Variants in KHDC1 observed in about 807,000 individuals in gnomAD.
KHDC1 encodes the protein KH homology domain-containing protein 1.
In KHDC1, 21 loss-of-function variants were observed where a neutral mutation model predicts 24.7. That is an observed-to-expected ratio of 0.85 (90% CI 0.60 to 1.23). The LOEUF (loss-of-function observed/expected upper bound fraction) is 1.23. Ranked by LOEUF, KHDC1 falls within the 50% of genes most tolerant of loss-of-function variation. The pLI is 0.00. For missense variants in KHDC1, 274 were observed against 298.5 expected (o/e 0.92, Z 0.61); for synonymous variants, 98 against 111.7 (o/e 0.88, Z 0.77).
At chr6:73,276,538 G>A (rs1245271473) in intron 2 of KHDC1, 1 of 151,378 alleles carries the variant, frequency 6.6e-6, no homozygotes, top group Non-Finnish European at 1.5e-5. Context: ...TTTGTAGCAT[G>A]TGCCTGTTGC....
At chr6:73,269,431 C>G (rs1256520148) in intron 2 of KHDC1, 2 of 152,914 alleles carry the variant, frequency 1.3e-5, no homozygotes, top group Non-Finnish European at 2.9e-5. Context: ...ACGCTGTCAC[C>G]TCTCAGTCAG....
At chr6:73,252,377 AT>A (rs938783787) in intron 2 of KHDC1, among the ~76,000 whole-genome samples, 2 of 152,048 alleles carry the variant, frequency 1.3e-5, no homozygotes, top group Non-Finnish European at 2.9e-5. Context: ...TTCATTGAAA[AT>A]TTTTTTATAG....
intron 1 of KHDC1, among the ~76,000 whole-genome samples, chr6:73,296,666 A>C (rs1767765689): frequency 6.6e-6 from 1 of 152,174 alleles, no homozygotes; most frequent in African/African-American, 2.4e-5. Context: ...TGTAACATTC[A>C]GATAGTTCTC....
chr6:73,267,402 G>C (rs992884259), intron 2 of KHDC1, among the ~76,000 whole-genome samples: 2 of 152,200 alleles, frequency 1.3e-5, no homozygotes, highest in Non-Finnish European at 2.9e-5. Context: ...AGAATTGCTT[G>C]AACCTGGGAG....
At chr6:73,303,353 G>A (rs560231037) in intron 1 of KHDC1, among the ~76,000 whole-genome samples, 3 of 151,286 alleles carry the variant, frequency 2.0e-5, no homozygotes, top group Non-Finnish European at 2.9e-5. Context: ...GAGAGAGAGA[G>A]AAAATCACCA....
chr6:73,289,489 A>C (rs1487096657), intron 2 of KHDC1, among the ~76,000 whole-genome samples: 1 of 151,508 alleles, frequency 6.6e-6, no homozygotes, highest in African/African-American at 2.4e-5. Flanking sequence ...GTCTCTATTA[A>C]AAATACAAAA....
At chr6:73,264,234 G>T (rs1431016816) in intron 2 of KHDC1, among the ~76,000 whole-genome samples, 1 of 152,150 alleles carries the variant, frequency 6.6e-6, no homozygotes, top group Non-Finnish European at 1.5e-5. Context: ...ATGGGACCTT[G>T]CAATCTTATC....
intron 2 of KHDC1, among the ~76,000 whole-genome samples, chr6:73,281,501 C>T (rs1767408347): frequency 6.6e-6 from 1 of 151,658 alleles, no homozygotes; most frequent in Admixed American, 6.6e-5. Flanking sequence ...CCTGTAATCC[C>T]AGCTACTTGG....
intron 2 of KHDC1, among the ~76,000 whole-genome samples, chr6:73,278,037 G>A (rs1246497425): frequency 5.1e-4 from 66 of 129,810 alleles, no homozygotes; most frequent in African/African-American, 2.0e-3. Flanking sequence ...TTTTGAAATG[G>A]AGTCTTGCTC....
At chr6:73,243,171 G>A (rs949317422) in intron 2 of KHDC1, among the ~76,000 whole-genome samples, 4 of 150,104 alleles carry the variant, frequency 2.7e-5, no homozygotes, top group Non-Finnish European at 5.9e-5. Context: ...TCTTCATTGT[G>A]GAATGTTCTC....
chr6:73,288,423 C>A (rs1426332302), intron 2 of KHDC1, among the ~76,000 whole-genome samples: 2 of 152,166 alleles, frequency 1.3e-5, no homozygotes, highest in East Asian at 3.9e-4. Flanking sequence ...GAGTTCAAGA[C>A]CAGCCTGGGC....
chr6:73,271,239 A>G (rs1314321631), intron 2 of KHDC1, among the ~76,000 whole-genome samples: 1 of 150,002 alleles, frequency 6.7e-6, no homozygotes, highest in East Asian at 2.0e-4. Flanking sequence ...ACAGAATCTC[A>G]CTCTGACGCC....
chr6:73,266,298 A>G (rs935377931), intron 2 of KHDC1, among the ~76,000 whole-genome samples: 5 of 152,214 alleles, frequency 3.3e-5, no homozygotes, highest in African/African-American at 1.2e-4. Context: ...TGAAATAACC[A>G]ACATTTGTTG....
chr6:73,307,652 C>T (rs1767994813), intron 1 of KHDC1, among the ~76,000 whole-genome samples: 1 of 152,254 alleles, frequency 6.6e-6, no homozygotes, highest in East Asian at 1.9e-4. Flanking sequence ...CCTGAGATTC[C>T]CTCAGGCCCC....
At chr6:73,300,469 G>C (rs1439251029) in intron 1 of KHDC1, 1 of 151,988 alleles carries the variant, frequency 6.6e-6, no homozygotes. Context: ...ACCCAATTAT[G>C]TGTTATTCTC....
At position 73,276,929 on chromosome 6, in the gene KHDC1, G is replaced by A. The variant is rs79980633; in HGVS notation, c.206+15069C>T. Among the ~76,000 whole-genome samples the A allele has an allele frequency of 8.5e-5, 13 of 152,266 alleles. No individual in the cohort carries two copies. In the East Asian group the frequency reaches 2.5e-3, roughly 29 times the overall value. On this transcript the variant is annotated intron_variant, in intron 2 of 4. Transcript: ENST00000370384. ...ATCGATTGACAAGAAAGCTTTCTTT[G>A]CTTGTTCCCACATGAAGAAAAAAGG...
At chr6:73,293,367 C>T (rs1767694732) in intron 1 of KHDC1, 1 of 447,738 alleles carries the variant, frequency 2.2e-6, no homozygotes, top group African/African-American at 2.0e-5. Flanking sequence ...ATTTTGGAAA[C>T]AACATATTGA....
Position 73,241,598 on chromosome 6 carries a change from G to A in KHDC1, c.645C>T (p.Ser215=), listed in dbSNP as rs377447679. 1.6e-4 allele frequency: 263 copies of A among 1,614,156 alleles called. 3 individuals carry two copies. The highest frequency in any genetic ancestry group is 1.3e-3 in the East Asian group (60 of 44,870). The change falls in exon 5 of 5, where the codon AGC becomes AGT. Residue 215 remains serine, a synonymous_variant. Coordinates refer to ENST00000370384, the Ensembl canonical transcript of KHDC1. ...CTTGGTAAGGGGAAGGCTGAGGAAC[G>A]CTAAGACACACGGTTCCACTTATCC... is the stretch of plus-strand genomic sequence containing the variant.
intron 2 of KHDC1, among the ~76,000 whole-genome samples, chr6:73,271,699 G>A (rs780686856): frequency 1.2e-4 from 18 of 150,650 alleles, no homozygotes; most frequent in Non-Finnish European, 1.9e-4. Context: ...TTCAAGACCA[G>A]CCTGGCCAAC....
Sources: gnomAD v4.1 joint callset for allele counts (sites outside exome capture counted in the v4.1 genomes callset) on GRCh38, gnomAD v4.1.1 for gene constraint, MANE v1.5 for transcripts, NCBI Gene and HGNC (gene_info 2026-07-23, HGNC 2026-07-21) for gene names.